EPHB2: variants seen among roughly 807,000 people sequenced by gnomAD.
EPHB2 encodes EPH receptor B2.
Under a neutral mutation model 96.4 loss-of-function variants are expected in EPHB2, and 18 were observed. The ratio of observed to expected loss-of-function variants is 0.19; its 90% confidence interval spans 0.13 to 0.28. The LOEUF is 0.28. EPHB2 is among the 10% of genes least tolerant of loss of function. The probability of loss-of-function intolerance (pLI) is 1.00; values close to 1 mark genes in which losing one functional copy is unlikely to be tolerated. For synonymous variants in EPHB2, 506 were observed against 534.1 expected (o/e 0.95, Z 0.72); for missense variants, 989 against 1,355.4 (o/e 0.73, Z 4.25).
chr1:22,891,235 C>T (rs1639378413), intron 6 of EPHB2: 2 of 455,608 alleles, frequency 4.4e-6, no homozygotes, highest in Non-Finnish European at 4.4e-6. Flanking sequence ...TGATCTTAAC[C>T]TCCATGCTAT....
intron 1 of EPHB2, among the ~76,000 whole-genome samples, chr1:22,769,322 C>G (rs1644347832): frequency 6.6e-6 from 1 of 152,212 alleles, no homozygotes; most frequent in South Asian, 2.1e-4. Context: ...GTGGCAGGAG[C>G]CAGACAGGGC....
intron 3 of EPHB2, among the ~76,000 whole-genome samples, chr1:22,820,645 C>T (rs954771641): frequency 2.0e-5 from 3 of 151,808 alleles, no homozygotes; most frequent in South Asian, 2.1e-4. Context: ...GCACTCCAGC[C>T]GGGGTGACAG....
Position 22,916,191 on chromosome 1 carries a change from T to A in EPHB2, c.*2621T>A, listed in dbSNP as rs1224921252. The A allele has an allele frequency of 6.6e-6, 1 of 152,296 alleles. No homozygotes were observed. Among genetic ancestry groups the A allele is most frequent in the African/African-American group, 2.4e-5 (1 of 41,472 alleles). 9.4% of individuals were successfully genotyped at this position (152,296 alleles called of 1,614,324 possible). A position where few individuals can be genotyped will look rare whatever the true frequency, so the allele number is the denominator to read the frequency against. ...GGTCACCTTCTGGTGGGAGCTGCCC[T>A]GATGCTCTTTAGATTAGTTCTGTCT... On this transcript the variant is annotated 3_prime_UTR_variant, in exon 16 of 16. Transcript: ENST00000374630. This position sits in a 1 kb window ranked among gnomAD's most constrained non-coding sequence, Gnocchi z 4.2.
chr1:22,830,149 G>A (rs1012804619), intron 3 of EPHB2, among the ~76,000 whole-genome samples: 4 of 152,184 alleles, frequency 2.6e-5, no homozygotes, highest in Non-Finnish European at 5.9e-5. Context: ...GGCCAACCCT[G>A]GGCTGGGCTC....
chr1:22,919,092 T>C lies in EPHB2; in HGVS notation c.*5522T>C, dbSNP rs1436143076. ...ACCCCCTAAATCAGAATCCCTGGGGTTGGGCCCAAGAGTCTCCATTTTTTG... is the reference window on the plus strand; with the variant it reads ...ACCCCCTAAATCAGAATCCCTGGGGCTGGGCCCAAGAGTCTCCATTTTTTG... On this transcript the variant is annotated 3_prime_UTR_variant, in exon 16 of 16. Coordinates refer to ENST00000374630, the MANE Select transcript of EPHB2 (RefSeq NM_017449.5). The C allele has an allele frequency of 1.3e-5, 2 of 152,178 alleles. No individual in the cohort carries two copies. The highest frequency in any genetic ancestry group is 2.9e-5 in the Non-Finnish European group (2 of 68,028). The allele number at this position is 152,178 out of a possible 1,614,324, so 9.4% of individuals were successfully genotyped here.
At chr1:22,851,168 A>T (rs963000236) in intron 3 of EPHB2, among the ~76,000 whole-genome samples, 1 of 152,004 alleles carries the variant, frequency 6.6e-6, no homozygotes, top group African/African-American at 2.4e-5. Context: ...CTCATTTTTT[A>T]AAATTTTTTT....
rs1015655676 is a variant in EPHB2, at chr1:22,739,225, C to T, written c.61+28182C>T. Reference sequence around the variant, plus strand: ...CCAACTAATTCTTTTTGTTTTTTTTCTTTTTTTTGAGACAGAGTCTCACTC... The same window carrying T: ...CCAACTAATTCTTTTTGTTTTTTTTTTTTTTTTTGAGACAGAGTCTCACTC... On this transcript the variant is annotated intron_variant, in intron 1 of 15. Transcript: ENST00000374630. Among the ~76,000 whole-genome samples the T allele has an allele frequency of 6.9e-3, 1,044 of 150,946 alleles. 17 individuals are homozygous for T. The highest frequency in any genetic ancestry group is 0.062 in the East Asian group (315 of 5,114).
intron 1 of EPHB2, among the ~76,000 whole-genome samples, chr1:22,778,262 G>C (rs1345937461): frequency 6.6e-6 from 1 of 151,988 alleles, no homozygotes; most frequent in Non-Finnish European, 1.5e-5. Flanking sequence ...CTGACCTCAA[G>C]TGATCTCCCC....
At chr1:22,746,922 AG>A (rs1017076584) in intron 1 of EPHB2, among the ~76,000 whole-genome samples, 6 of 152,134 alleles carry the variant, frequency 3.9e-5, no homozygotes, top group Admixed American at 2.0e-4. Flanking sequence ...CATTCCTGGA[AG>A]GGGGTTAGGA....
In EPHB2 at chr1:22,909,043, T is replaced by C; in HGVS notation, c.2374T>C (p.Trp792Arg). Reference sequence around the variant, plus strand: ...CCAGGGCGGAAAGATCCCCATCCGCTGGACAGCCCCGGAAGCCATCCAGTA... The same window carrying C: ...CCAGGGCGGAAAGATCCCCATCCGCCGGACAGCCCCGGAAGCCATCCAGTA... ...SALGGKIPIR[W>R]TAPEAIQYRK... Residue 792 changes from tryptophan to arginine, a missense_variant, in exon 13 of 16, where the codon TGG becomes CGG. By Grantham distance (101) the Trp-to-Arg change is moderately radical. Transcript: ENST00000374630. 1 of 1,614,146 alleles carries C rather than the reference T, an allele frequency of 6.2e-7. No homozygotes were observed. The highest frequency in any genetic ancestry group is 8.5e-7 in the Non-Finnish European group (1 of 1,180,018).
At chr1:22,747,880 G>T (rs1395687322) in intron 1 of EPHB2, among the ~76,000 whole-genome samples, 1 of 152,238 alleles carries the variant, frequency 6.6e-6, no homozygotes, top group African/African-American at 2.4e-5. Flanking sequence ...CTTTGGGCAA[G>T]TCACTTCACC....
At position 22,913,398 on chromosome 1, in the gene EPHB2, C is replaced by G; in HGVS notation, c.2853-64C>G. ...TCCTCCCGGGGAAGCCCAGGCAGCT[C>G]TCTACCAGGCACAGGACCCCTTCAC... On this transcript the variant is annotated intron_variant, in intron 15 of 15. Coordinates refer to ENST00000374630, the MANE Select transcript of EPHB2 (RefSeq NM_017449.5). The surrounding 1 kb of genome is among the most constrained non-coding windows in gnomAD (Gnocchi z 4.1). 6.3e-7 allele frequency: 1 copy of G among 1,589,486 alleles called. No homozygotes were observed. Among genetic ancestry groups the G allele is most frequent in the South Asian group, 1.1e-5 (1 of 87,704 alleles).
chr1:22,784,178 A>G lies in EPHB2; in HGVS notation c.127-214A>G, dbSNP rs527547921. On this transcript the variant is annotated intron_variant, in intron 2 of 15. Transcript: ENST00000374630. This position sits in a 1 kb window ranked among gnomAD's most constrained non-coding sequence, Gnocchi z 5.1. ...TAGTGTACCCCTGACAGTAAGGGCA[A>G]TGTCTCCCCTGTCAGCTAGCAGAAT... 3.3e-5 allele frequency among the ~76,000 whole-genome samples: 5 copies of G among 152,238 alleles called. No homozygotes were observed. Among genetic ancestry groups the G allele is most frequent in the African/African-American group, 1.2e-4 (5 of 41,554 alleles).
chr1:22,737,438 A>G (rs1214110138), intron 1 of EPHB2, among the ~76,000 whole-genome samples: 2 of 152,150 alleles, frequency 1.3e-5, no homozygotes, highest in African/African-American at 4.8e-5. Context: ...TCTCATCCAT[A>G]AACTATAGGT....
chr1:22,856,158 G>A lies in EPHB2; in HGVS notation c.812-6879G>A, dbSNP rs535549134. Among the ~76,000 whole-genome samples the A allele has an allele frequency of 5.9e-5, 9 of 152,254 alleles. No homozygotes were observed. In the South Asian group the frequency reaches 1.7e-3, roughly 28 times the overall value. On this transcript the variant is annotated intron_variant, in intron 3 of 15. Coordinates refer to ENST00000374630, the MANE Select transcript of EPHB2 (RefSeq NM_017449.5). ...TTAAGCCAGAGTCCCTGGGAGGAGA[G>A]GGGGGAGCAGAGGCAGCAGGCCAGC...
At chr1:22,754,564 G>A (rs768660475) in intron 1 of EPHB2, among the ~76,000 whole-genome samples, 35 of 151,524 alleles carry the variant, frequency 2.3e-4, no homozygotes, top group Non-Finnish European at 4.0e-4. Context: ...AAAAGGTGGC[G>A]CGAGGTGTGC....
chr1:22,912,649 G>A (rs139831153), intron 15 of EPHB2, 50 bp downstream of exon 15: 63 of 1,607,756 alleles, frequency 3.9e-5, no homozygotes, highest in African/African-American at 3.9e-4. Context: ...CCTCTCCACC[G>A]GCCCCACCAG....
chr1:22,896,509 T>G (rs1380398084), intron 9 of EPHB2, 31 bp downstream of exon 9: 1 of 1,613,918 alleles, frequency 6.2e-7, no homozygotes, highest in Non-Finnish European at 8.5e-7. Context: ...GCTGGAACCC[T>G]TGGGCCCTTC....
chr1:22,908,825 C>T (rs900350135), intron 12 of EPHB2, among the ~76,000 whole-genome samples, 197 bp from the exon 13 acceptor site: 5 of 152,064 alleles, frequency 3.3e-5, no homozygotes, highest in Non-Finnish European at 5.9e-5. Flanking sequence ...AAGGAGGTTT[C>T]CAGATGGCAG....
Sources: allele counts gnomAD v4.1 joint callset (sites outside exome capture counted in the v4.1 genomes callset), GRCh38; gene constraint gnomAD v4.1.1; non-coding constraint Gnocchi (gnomAD v3.1); transcripts MANE v1.5; gene names NCBI Gene and HGNC (gene_info 2026-07-23, HGNC 2026-07-21).